CDC14A: variants seen among roughly 807,000 people sequenced by gnomAD.
The protein encoded by CDC14A is dual specificity protein phosphatase CDC14A.
Under a neutral mutation model 74.4 loss-of-function variants are expected in CDC14A, and 53 were observed. That is an observed-to-expected ratio of 0.71 (90% CI 0.57 to 0.89). CDC14A has a LOEUF of 0.89. Among genes scored for constraint, CDC14A ranks in the 40% least tolerant of loss-of-function variants. The pLI, the probability that CDC14A is intolerant of heterozygous loss-of-function variation, is 0.00. For synonymous variants in CDC14A, 247 were observed against 258.4 expected (o/e 0.96, Z 0.43); for missense variants, 646 against 713.7 (o/e 0.91, Z 1.08).
At position 100,508,479 on chromosome 1, in the gene CDC14A, G is replaced by A. The variant is rs952792634; in HGVS notation, c.1755+9217G>A. 2.0e-5 allele frequency among the ~76,000 whole-genome samples: 3 copies of A among 152,146 alleles called. No individual in the cohort carries two copies. Among genetic ancestry groups the A allele is most frequent in the African/African-American group, 4.8e-5 (2 of 41,430 alleles). On this transcript the variant is annotated intron_variant, in intron 15 of 15. Transcript: ENST00000336454. This position sits in a 1 kb window ranked among gnomAD's most constrained non-coding sequence, Gnocchi z 4.4. ...GTTGGTAGGTTCAGATGGGATGGGAGTGTTGGTGTGTTTCTCTCCTCTTTC... is the reference window on the plus strand; with the variant it reads ...GTTGGTAGGTTCAGATGGGATGGGAATGTTGGTGTGTTTCTCTCCTCTTTC...
intron 2 of CDC14A, among the ~76,000 whole-genome samples, chr1:100,356,516 G>A (rs2100880851): frequency 6.6e-6 from 1 of 151,944 alleles, no homozygotes; most frequent in African/African-American, 2.4e-5. Context: ...TAATACAGTA[G>A]CATCATTTAA....
chr1:100,373,296 G>A (rs1057041377), intron 2 of CDC14A, among the ~76,000 whole-genome samples: 1 of 152,198 alleles, frequency 6.6e-6, no homozygotes, highest in East Asian at 1.9e-4. Flanking sequence ...AGTTGGTGAA[G>A]CAGTCAGAAC....
chr1:100,422,836 C>G (rs1426489785), intron 4 of CDC14A, among the ~76,000 whole-genome samples: 1 of 151,788 alleles, frequency 6.6e-6, no homozygotes, highest in Non-Finnish European at 1.5e-5. Flanking sequence ...GACTCGTTTT[C>G]TAGTCCTGAA....
chr1:100,390,513 A>C (rs146146664), intron 3 of CDC14A, among the ~76,000 whole-genome samples: 1 of 152,280 alleles, frequency 6.6e-6, no homozygotes, highest in African/African-American at 2.4e-5. Flanking sequence ...TGGGAGAGAA[A>C]GATATTAATT....
At chr1:100,487,258 AT>A (rs1274842278) in intron 11 of CDC14A, among the ~76,000 whole-genome samples, 1 of 152,222 alleles carries the variant, frequency 6.6e-6, no homozygotes, top group African/African-American at 2.4e-5. Context: ...GATTTGGAGA[AT>A]TCGAATAGAG....
At chr1:100,452,248 A>G (rs375448481) in intron 7 of CDC14A, among the ~76,000 whole-genome samples, 1 of 152,182 alleles carries the variant, frequency 6.6e-6, no homozygotes, top group African/African-American at 2.4e-5. Context: ...GCAGTGGCTC[A>G]TGCCTGTAAT....
intron 6 of CDC14A, among the ~76,000 whole-genome samples, chr1:100,442,267 T>A (rs1048017547): frequency 1.1e-4 from 17 of 147,984 alleles, no homozygotes; most frequent in Non-Finnish European, 2.2e-4. Flanking sequence ...AAGGGCCTAT[T>A]AAGTAGAAAT....
intron 4 of CDC14A, among the ~76,000 whole-genome samples, chr1:100,418,174 G>A (rs959835902): frequency 6.6e-6 from 1 of 151,628 alleles, no homozygotes; most frequent in African/African-American, 2.4e-5. Flanking sequence ...AGAGTGCCTG[G>A]CACATGGTAT....
chr1:100,390,659 A>T, intron 3 of CDC14A, 73 bp from the exon 4 acceptor site: 1 of 911,084 alleles, frequency 1.1e-6, no homozygotes, highest in Non-Finnish European at 1.8e-6. Flanking sequence ...AGGTTAAGAG[A>T]TGATGTTTGC....
intron 4 of CDC14A, among the ~76,000 whole-genome samples, chr1:100,395,351 A>G (rs562245995): frequency 2.0e-5 from 3 of 152,254 alleles, no homozygotes; most frequent in Admixed American, 6.5e-5. Context: ...CTCTCCCTAA[A>G]TGTATTTATT....
At chr1:100,465,469 C>G (rs1667710668) in intron 9 of CDC14A, among the ~76,000 whole-genome samples, 1 of 152,162 alleles carries the variant, frequency 6.6e-6, no homozygotes, top group African/African-American at 2.4e-5. Context: ...TACTTATCTA[C>G]TATAGGCTTA....
chr1:100,496,441 C>T (rs1218070723), intron 13 of CDC14A, among the ~76,000 whole-genome samples: 1 of 152,086 alleles, frequency 6.6e-6, no homozygotes, highest in Non-Finnish European at 1.5e-5. Context: ...ATTTGTTCCC[C>T]TCCTTTATTT....
At chr1:100,420,458 G>A (rs1484049939) in intron 4 of CDC14A, among the ~76,000 whole-genome samples, 1 of 151,946 alleles carries the variant, frequency 6.6e-6, no homozygotes, top group East Asian at 1.9e-4. Flanking sequence ...AATTCTAAGA[G>A]GATTCTATAT....
At chr1:100,412,712 ATATATATATAT>A (rs1422825486) in intron 4 of CDC14A, among the ~76,000 whole-genome samples, 1 of 102,464 alleles carries the variant, frequency 9.8e-6, no homozygotes, top group African/African-American at 6.1e-5. Context: ...ATATATATAT[ATATATATATAT>A]TTTATATATA....
At chr1:100,482,273 G>A (rs1669563982) in intron 10 of CDC14A, among the ~76,000 whole-genome samples, 1 of 152,134 alleles carries the variant, frequency 6.6e-6, no homozygotes, top group East Asian at 1.9e-4. Context: ...ACTCTTAAAA[G>A]GTCTTTCCTG....
chr1:100,364,604 G>C (rs1465853020), intron 2 of CDC14A, among the ~76,000 whole-genome samples: 2 of 152,112 alleles, frequency 1.3e-5, no homozygotes, highest in Non-Finnish European at 2.9e-5. Context: ...TTATGTATGG[G>C]GGAATCGCTC....
At chr1:100,381,387 G>A (rs950853189) in intron 3 of CDC14A, among the ~76,000 whole-genome samples, 3 of 152,062 alleles carry the variant, frequency 2.0e-5, no homozygotes, top group Admixed American at 1.3e-4. Context: ...GAGTAATTTC[G>A]CACTGTGTTA....
rs7516109 is a variant in CDC14A, at chr1:100,518,963, T to C, written c.*683T>C. 135,337 of 152,078 alleles carry C rather than the reference T, an allele frequency of 0.89. 62,096 individuals are homozygous for C. The highest frequency in any genetic ancestry group is 1 in the Non-Finnish European group (67,714 of 67,992). The allele number at this position is 152,078 out of a possible 1,614,324, so 9.4% of individuals were successfully genotyped here. ...GCTTATTTAGGACAATTCCCTTTCC[T>C]ATTGTTTTTGTTGCTGAGCCAATTT... is the stretch of plus-strand genomic sequence containing the variant. On this transcript the variant is annotated 3_prime_UTR_variant, in exon 16 of 16. Coordinates refer to ENST00000336454, the MANE Select transcript of CDC14A (RefSeq NM_003672.4).
At chr1:100,365,599 C>T (rs1653461138) in intron 2 of CDC14A, among the ~76,000 whole-genome samples, 1 of 152,118 alleles carries the variant, frequency 6.6e-6, no homozygotes, top group Non-Finnish European at 1.5e-5. Flanking sequence ...AACCTTTTGG[C>T]ACCCAGTGAT....
Sources: allele counts gnomAD v4.1 joint callset (sites outside exome capture counted in the v4.1 genomes callset), GRCh38; gene constraint gnomAD v4.1.1; non-coding constraint Gnocchi (gnomAD v3.1); transcripts MANE v1.5; gene names NCBI Gene and HGNC (gene_info 2026-07-23, HGNC 2026-07-21).